Variants in PCID2 observed in about 807,000 individuals in gnomAD.
The protein encoded by PCID2 is PCI domain containing 2, also known as PCI domain-containing protein 2.
PCID2 carries 41 observed loss-of-function variants against 61.3 expected under a neutral mutation model. That is an observed-to-expected ratio of 0.67 (90% CI 0.52 to 0.87). PCID2 has a LOEUF of 0.87. PCID2 is among the 40% of genes least tolerant of loss of function. The pLI, the probability that PCID2 is intolerant of heterozygous loss-of-function variation, is 0.00. For missense variants in PCID2, 392 were observed against 493.4 expected, an observed-to-expected ratio of 0.79 and a Z score of 1.95; for synonymous variants, 187 against 177.8, an observed-to-expected ratio of 1.05 and a Z score of -0.41.
At chr13:113,206,179 C>A (rs1156306858) in intron 1 of PCID2, among the ~76,000 whole-genome samples, 1 of 152,194 alleles carries the variant, frequency 6.6e-6, no homozygotes, top group African/African-American at 2.4e-5. Context: ...AATGCATTTA[C>A]TGTGAATTCA....
intron 1 of PCID2, among the ~76,000 whole-genome samples, chr13:113,201,232 A>G (rs2039403788): frequency 6.6e-6 from 1 of 152,200 alleles, no homozygotes; most frequent in Admixed American, 6.5e-5. Context: ...AATAAAATAG[A>G]TCTGTATGTA....
At chr13:113,171,990 G>T in the PCID2 span, 5 of 1,613,260 alleles carry the variant, frequency 3.1e-6, no homozygotes, top group African/African-American at 6.7e-5. The surrounding 1 kb of genome is among the most constrained non-coding windows in gnomAD (Gnocchi z 5.1). Flanking sequence ...GAACACAGAG[G>T]CTCCTGGTTT....
At chr13:113,170,999 T>G in the PCID2 span, among the ~76,000 whole-genome samples, 1 of 151,970 alleles carries the variant, frequency 6.6e-6, no homozygotes, top group Non-Finnish European at 1.5e-5. Flanking sequence ...CCAGGCTCAC[T>G]GCAACCTCTG....
At position 113,208,275 on chromosome 13, in the gene PCID2, C is replaced by T. The variant is rs966482736; in HGVS notation, c.36+324G>A. On this transcript the variant is annotated intron_variant, in intron 1 of 13. Transcript: ENST00000337344. ...GGGCCCTCGGCGTGGCCCGCAGGCC[C>T]TTCGGACCGCCTGGGAGCGCGGCCA... is the stretch of plus-strand genomic sequence containing the variant. 6 of 1,437,538 alleles carry T rather than the reference C, an allele frequency of 4.2e-6. No individual in the cohort carries two copies. In the Admixed American group the frequency reaches 1.7e-4, roughly 40 times the overall value. The allele number at this position is 1,437,538 out of a possible 1,614,324, so 89.0% of individuals were successfully genotyped here. A position where few individuals can be genotyped will look rare whatever the true frequency, so the allele number is the denominator to read the frequency against.
chr13:113,188,474 G>A (rs1000829299), intron 7 of PCID2: 1 of 152,230 alleles, frequency 6.6e-6, no homozygotes, highest in African/African-American at 2.4e-5. Flanking sequence ...GATGCTAAGT[G>A]GAAGTCCACC....
chr13:113,170,138 A>AG, the PCID2 span, among the ~76,000 whole-genome samples: 1 of 152,100 alleles, frequency 6.6e-6, no homozygotes, highest in African/African-American at 2.4e-5. Context: ...TTCAGGTGGG[A>AG]GGGTAAATCT....
At chr13:113,181,074 G>T in intron 10 of PCID2, 56 bp downstream of exon 10, 1 of 1,166,056 alleles carries the variant, frequency 8.6e-7, no homozygotes, top group Non-Finnish European at 1.3e-6. Context: ...AAACCTATCA[G>T]CTGTCAACTT....
In PCID2 at chr13:113,179,204, C is replaced by T. The variant is rs2037393370; in HGVS notation, c.987-115G>A. On this transcript the variant is annotated intron_variant, in intron 12 of 13. Coordinates refer to ENST00000337344, the MANE Select transcript of PCID2 (RefSeq NM_001127202.4). This position sits in a 1 kb window ranked among gnomAD's most constrained non-coding sequence, Gnocchi z 4.3. The stretch of plus-strand genomic sequence containing the variant: ...TCTAAAGGAGTAAAAAAATTCCCAC[C>T]TATTAGATAAACTCTAAACTACACT... 2.5e-6 allele frequency: 2 copies of T among 784,958 alleles called. No individual in the cohort carries two copies. The highest frequency in any genetic ancestry group is 3.9e-6 in the Non-Finnish European group (2 of 507,864). 48.6% of individuals were successfully genotyped at this position (784,958 alleles called of 1,614,324 possible).
chr13:113,175,066 G>C, downstream of PCID2, among the ~76,000 whole-genome samples: 1 of 152,192 alleles, frequency 6.6e-6, no homozygotes, highest in East Asian at 1.9e-4. Context: ...TTTTAAAAGT[G>C]GCAGTTTTGC....
At chr13:113,189,485 TTTTG>T (rs1311141003) in intron 7 of PCID2, among the ~76,000 whole-genome samples, 3 of 152,312 alleles carry the variant, frequency 2.0e-5, no homozygotes, top group Non-Finnish European at 4.4e-5. Flanking sequence ...AACAATAGTT[TTTTG>T]TTTATTTATA....
At chr13:113,193,372 C>T (rs1193733705) in intron 6 of PCID2, among the ~76,000 whole-genome samples, 1 of 152,094 alleles carries the variant, frequency 6.6e-6, no homozygotes, top group Non-Finnish European at 1.5e-5. Context: ...CTCTCTTTTC[C>T]ATCTACAACT....
In PCID2 at chr13:113,185,219, T is replaced by C. The variant is rs72665203; in HGVS notation, c.543+266A>G. Among the ~76,000 whole-genome samples the C allele has an allele frequency of 4.7e-3, 710 of 152,326 alleles. 1 individual carries two copies. Among genetic ancestry groups the C allele is most frequent in the Middle Eastern group, 0.01 (3 of 294 alleles). On this transcript the variant is annotated intron_variant, in intron 8 of 13. Coordinates refer to ENST00000337344, the MANE Select transcript of PCID2 (RefSeq NM_001127202.4). Reference sequence around the variant, plus strand: ...ATTCCACCACACTGGGACAGCTGCTTCACACACAGGGGCCTTCGTTTCCTC... The same window carrying C: ...ATTCCACCACACTGGGACAGCTGCTCCACACACAGGGGCCTTCGTTTCCTC...
chr13:113,174,636 C>A (rs568833653), downstream of PCID2, among the ~76,000 whole-genome samples: 2 of 152,124 alleles, frequency 1.3e-5, no homozygotes, highest in Non-Finnish European at 2.9e-5. Context: ...AGGTGTGGAC[C>A]ACCATGCCCA....
chr13:113,193,017 C>T lies in PCID2; in HGVS notation c.364-2042G>A, dbSNP rs532224350. 1.2e-4 allele frequency among the ~76,000 whole-genome samples: 18 copies of T among 152,184 alleles called. No homozygotes were observed. The East Asian group carries it at 3.5e-3, about 29-fold the overall frequency. ...ATCAGAAACTCAACTTGATCTGGAC[C>T]TCCCTGCCTGACTTGATCTGGACCT... On this transcript the variant is annotated intron_variant, in intron 6 of 13. Transcript: ENST00000337344.
chr13:113,195,235 C>T (rs1361964111), intron 5 of PCID2, 110 bp from the exon 6 acceptor site: 1 of 736,060 alleles, frequency 1.4e-6, no homozygotes, highest in Non-Finnish European at 2.5e-6. Context: ...ATGGAGTCCG[C>T]ACTTATCCAA....
At chr13:113,206,933 C>T (rs2039901496) in intron 1 of PCID2, among the ~76,000 whole-genome samples, 2 of 152,200 alleles carry the variant, frequency 1.3e-5, no homozygotes, top group Non-Finnish European at 2.9e-5. Flanking sequence ...ACGAAGGAGT[C>T]TCAGGTTTGT....
intron 2 of PCID2, among the ~76,000 whole-genome samples, chr13:113,200,081 TA>T (rs1357483061): frequency 1.3e-5 from 2 of 152,084 alleles, no homozygotes; most frequent in Non-Finnish European, 2.9e-5. Flanking sequence ...ACTAACAACT[TA>T]AATGGGAGAC....
intron 13 of PCID2, 81 bp from the exon 14 acceptor site, chr13:113,178,368 G>A: frequency 9.7e-7 from 1 of 1,026,440 alleles, no homozygotes; most frequent in Non-Finnish European, 1.5e-6. Flanking sequence ...TAATTAATTT[G>A]GCATTAGCAT....
chr13:113,208,055 T>A (rs375156007), intron 1 of PCID2: 5 of 1,612,732 alleles, frequency 3.1e-6, no homozygotes, highest in South Asian at 1.1e-5. Context: ...CAGACGCATG[T>A]ACCGAGCGAT....
Sources: allele counts gnomAD v4.1 joint callset (sites outside exome capture counted in the v4.1 genomes callset), GRCh38; gene constraint gnomAD v4.1.1; non-coding constraint Gnocchi (gnomAD v3.1); transcripts MANE v1.5; gene names NCBI Gene and HGNC (gene_info 2026-07-23, HGNC 2026-07-21).